The following CCDC60 variants were observed in gnomAD, a reference collection of about 807,000 sequenced individuals.
CCDC60 encodes the protein coiled-coil domain-containing protein 60.
Under a neutral mutation model 63.5 loss-of-function variants are expected in CCDC60, and 54 were observed. The ratio of observed to expected loss-of-function variants is 0.85; its 90% CI spans 0.68 to 1.07. The LOEUF (loss-of-function observed/expected upper bound fraction) is 1.07, where lower values mean the gene tolerates loss of function less well. Ranked by LOEUF, CCDC60 falls within the 50% of genes least tolerant of loss-of-function variation. The pLI, the probability that CCDC60 is intolerant of heterozygous loss-of-function variation, is 0.00. For missense variants in CCDC60, 651 were observed against 684.3 expected (o/e 0.95, Z 0.54); for synonymous variants, 206 against 238.8 (o/e 0.86, Z 1.27).
At chr12:119,346,084 C>T (rs1369093420) in intron 1 of CCDC60, among the ~76,000 whole-genome samples, 2 of 151,456 alleles carry the variant, frequency 1.3e-5, no homozygotes, top group Non-Finnish European at 2.9e-5. Flanking sequence ...CTCGGCCTCC[C>T]AAAGTGCTGG....
At chr12:119,346,351 A>T (rs1009171884) in intron 1 of CCDC60, among the ~76,000 whole-genome samples, 1 of 152,096 alleles carries the variant, frequency 6.6e-6, no homozygotes, top group Non-Finnish European at 1.5e-5. Flanking sequence ...TCTAACCTCT[A>T]CTTGTAGAGA....
At chr12:119,520,333 A>C (rs1271425970) in intron 9 of CCDC60, 141 bp downstream of exon 9, 7 of 670,198 alleles carry the variant, frequency 1.0e-5, no homozygotes, top group African/African-American at 1.8e-5. Flanking sequence ...CCTCACTAGA[A>C]ACAAGCCCCT....
intron 2 of CCDC60, among the ~76,000 whole-genome samples, chr12:119,467,237 C>A (rs1950969792): frequency 6.6e-6 from 1 of 152,192 alleles, no homozygotes; most frequent in South Asian, 2.1e-4. Flanking sequence ...CTGGGTGAAG[C>A]CAAGCACCCT....
chr12:119,476,309 A>T (rs1216686973), intron 3 of CCDC60, among the ~76,000 whole-genome samples: 1 of 152,132 alleles, frequency 6.6e-6, no homozygotes. Flanking sequence ...AAGACATAAA[A>T]CCAGAGATTA....
At chr12:119,425,169 A>T (rs1956879914) in intron 1 of CCDC60, among the ~76,000 whole-genome samples, 1 of 152,178 alleles carries the variant, frequency 6.6e-6, no homozygotes. Flanking sequence ...AAAATTTCTG[A>T]TGTGCTTATT....
At chr12:119,408,681 C>G (rs1334004705) in intron 1 of CCDC60, among the ~76,000 whole-genome samples, 1 of 152,102 alleles carries the variant, frequency 6.6e-6, no homozygotes, top group Non-Finnish European at 1.5e-5. Context: ...AAAAAATTAG[C>G]CAGGCGTGGT....
chr12:119,466,371 G>T (rs1950954026), intron 2 of CCDC60, among the ~76,000 whole-genome samples: 1 of 152,168 alleles, frequency 6.6e-6, no homozygotes. Flanking sequence ...ATAGTGCTTT[G>T]TACGTAATAA....
At chr12:119,493,796 A>G (rs2136392064) in intron 5 of CCDC60, among the ~76,000 whole-genome samples, 1 of 152,310 alleles carries the variant, frequency 6.6e-6, no homozygotes, top group Non-Finnish European at 1.5e-5. Flanking sequence ...TATTTATTCA[A>G]ACCCTTAGGG....
chr12:119,479,154 T>C lies in CCDC60; in HGVS notation c.402T>C (p.Thr134=), dbSNP rs1593146925. 1 of 1,614,066 alleles carries C rather than the reference T, an allele frequency of 6.2e-7. No homozygotes were observed. The highest frequency in any genetic ancestry group is 1.3e-5 in the African/African-American group (1 of 75,038). Residue 134 remains threonine, a synonymous_variant, in exon 4 of 14, where the codon ACT becomes ACC. Coordinates refer to ENST00000327554, the MANE Select transcript of CCDC60 (RefSeq NM_178499.5). ...CTAGAGTCACACGTCGCCCATTCAC[T>C]CCCATCCACAGCTGCATCATTTCTC... The part of the protein sequence containing the change: ...LGARVTRRPF[T]PIHSCIISPS...
At chr12:119,373,670 G>A (rs996485162) in intron 1 of CCDC60, among the ~76,000 whole-genome samples, 5 of 133,642 alleles carry the variant, frequency 3.7e-5, no homozygotes, top group Admixed American at 8.0e-5. Flanking sequence ...GGTGGGGTGG[G>A]GGGGGGTCTC....
intron 1 of CCDC60, among the ~76,000 whole-genome samples, chr12:119,343,893 T>A (rs750412341): frequency 1.3e-5 from 2 of 152,058 alleles, no homozygotes; most frequent in East Asian, 1.9e-4. Context: ...CTTGGTATCC[T>A]GTCTGAAAAA....
intron 1 of CCDC60, among the ~76,000 whole-genome samples, chr12:119,354,623 C>T (rs190966176): frequency 2.6e-5 from 4 of 152,300 alleles, no homozygotes; most frequent in East Asian, 1.9e-4. Flanking sequence ...GCACAGTGCA[C>T]GGGGCTCCAG....
chr12:119,351,322 G>A (rs1297907522), intron 1 of CCDC60, among the ~76,000 whole-genome samples: 2 of 152,102 alleles, frequency 1.3e-5, no homozygotes, highest in South Asian at 2.1e-4. Flanking sequence ...CTTTCACTTG[G>A]TGTCTGATGC....
At chr12:119,354,261 T>A (rs997224837) in intron 1 of CCDC60, among the ~76,000 whole-genome samples, 1 of 152,200 alleles carries the variant, frequency 6.6e-6, no homozygotes, top group Non-Finnish European at 1.5e-5. Flanking sequence ...AGCCTGTTCA[T>A]TTGGACATCA....
chr12:119,362,471 T>C (rs929230974), intron 1 of CCDC60, among the ~76,000 whole-genome samples: 4 of 152,184 alleles, frequency 2.6e-5, no homozygotes, highest in Non-Finnish European at 4.4e-5. Context: ...ACTTACAATA[T>C]TGAGTTGTGT....
chr12:119,338,824 G>A (rs920449737), intron 1 of CCDC60, among the ~76,000 whole-genome samples: 3 of 152,098 alleles, frequency 2.0e-5, no homozygotes, highest in African/African-American at 7.2e-5. Context: ...CACTGGCTGC[G>A]TGGTAATATT....
At chr12:119,540,439 C>T (rs1212272131) in intron 13 of CCDC60, among the ~76,000 whole-genome samples, 175 bp from the exon 14 acceptor site, 3 of 152,130 alleles carry the variant, frequency 2.0e-5, no homozygotes, top group Non-Finnish European at 4.4e-5. Flanking sequence ...GGAAAGGGGT[C>T]CTCTTCACCA....
intron 9 of CCDC60, 109 bp downstream of exon 9, chr12:119,520,301 G>T: frequency 1.1e-6 from 1 of 941,808 alleles, no homozygotes. Context: ...ACAGGAAAGA[G>T]GGAACTTTTT....
intron 1 of CCDC60, among the ~76,000 whole-genome samples, chr12:119,353,598 C>CTTTT (rs71072514): frequency 1.1e-3 from 78 of 68,242 alleles, no homozygotes; most frequent in African/African-American, 1.5e-3. Context: ...TCTTCTTCTT[C>CTTTT]TTTTTTTTTT....
Sources: gnomAD v4.1 joint callset for allele counts (sites outside exome capture counted in the v4.1 genomes callset) on GRCh38, gnomAD v4.1.1 for gene constraint, MANE v1.5 for transcripts, NCBI Gene and HGNC (gene_info 2026-07-23, HGNC 2026-07-21) for gene names.